EPS8: variants seen among roughly 807,000 people sequenced by gnomAD.
The protein encoded by EPS8 is EGFR pathway substrate 8, signaling adaptor.
EPS8 carries 42 observed loss-of-function variants against 103.8 expected under a neutral mutation model. The observed-to-expected ratio is 0.40, with a 90% CI of 0.32 to 0.52. The LOEUF is 0.52. Among genes scored for constraint, EPS8 ranks in the 20% least tolerant of loss-of-function variants. The pLI is 0.40. For synonymous variants in EPS8, 344 were observed against 344.6 expected, an observed-to-expected ratio of 1.00 and a Z score of 0.02; for missense variants, 969 against 1,005.1, an observed-to-expected ratio of 0.96 and a Z score of 0.49.
intron 11 of EPS8, 87 bp downstream of exon 11, chr12:15,658,410 T>C (rs1223090698): frequency 2.0e-6 from 2 of 1,016,704 alleles, no homozygotes; most frequent in African/African-American, 3.3e-5. Context: ...AACAATTTTA[T>C]TTCTTAATTT....
chr12:15,664,361 A>G (rs1945671775), intron 8 of EPS8, among the ~76,000 whole-genome samples: 1 of 152,160 alleles, frequency 6.6e-6, no homozygotes, highest in African/African-American at 2.4e-5. Context: ...AACCTCTGAA[A>G]AAACCTTTAA....
rs1555132062 is a variant in EPS8 at position 15,777,278 on chromosome 12, A to AC, written c.-22+11882_-22+11883insG. 5.0e-4 allele frequency among the ~76,000 whole-genome samples: 76 copies of AC among 151,686 alleles called. No individual in the cohort carries two copies. In the East Asian group the frequency reaches 7.0e-3, roughly 14 times the overall value. ...GTACTTACAAAGCAGAATGAAAAAA[A>AC]ACACACACACACACACAAAACAAAA... On this transcript the variant is annotated intron_variant, in intron 1 of 20. Coordinates refer to ENST00000281172, the MANE Select transcript of EPS8 (RefSeq NM_004447.6). The surrounding 1 kb of genome is among the most constrained non-coding windows in gnomAD (Gnocchi z 4.7).
rs188266017 is a variant in EPS8 at position 15,727,777 on chromosome 12, G to A, written c.-21-44805C>T. ...GGAGGCTGAGGCAGGAGAATCACTC[G>A]AACCTGGGAGGTGGAGGTTGCAGTG... On this transcript the variant is annotated intron_variant, in intron 1 of 20. Transcript: ENST00000281172. The surrounding 1 kb of genome is among the most constrained non-coding windows in gnomAD (Gnocchi z 4.3). 2.6e-5 allele frequency among the ~76,000 whole-genome samples: 4 copies of A among 151,982 alleles called. No individual in the cohort carries two copies. Among genetic ancestry groups the A allele is most frequent in the African/African-American group, 7.2e-5 (3 of 41,390 alleles).
rs1267430423 is a variant in EPS8 at position 15,684,741 on chromosome 12, G to C, written c.-21-1769C>G. On this transcript the variant is annotated intron_variant, in intron 1 of 20. Transcript: ENST00000281172. The surrounding 1 kb of genome is among the most constrained non-coding windows in gnomAD (Gnocchi z 4.9). Reference sequence around the variant, plus strand: ...CTTGACCTAGTTCTTAAAAAAATGGGTAAGAATGGCCCTCAAAACACTGGA... The same window carrying C: ...CTTGACCTAGTTCTTAAAAAAATGGCTAAGAATGGCCCTCAAAACACTGGA... Among the ~76,000 whole-genome samples the C allele has an allele frequency of 2.0e-5, 3 of 152,140 alleles. No individual in the cohort carries two copies. Among genetic ancestry groups the C allele is most frequent in the African/African-American group, 7.2e-5 (3 of 41,428 alleles).
intron 1 of EPS8, among the ~76,000 whole-genome samples, chr12:15,718,093 T>C (rs960608268): frequency 1.3e-5 from 2 of 152,216 alleles, no homozygotes; most frequent in African/African-American, 4.8e-5. Flanking sequence ...AGCTTGTGTT[T>C]GTGCACCAAG....
intron 8 of EPS8, among the ~76,000 whole-genome samples, chr12:15,663,057 G>A (rs1945635103): frequency 6.6e-6 from 1 of 151,394 alleles, no homozygotes; most frequent in Admixed American, 6.6e-5. Context: ...TTAATTAGCG[G>A]CTGTTAACTA....
intron 1 of EPS8, among the ~76,000 whole-genome samples, chr12:15,788,264 G>C (rs1482265204): frequency 6.6e-6 from 1 of 152,188 alleles, no homozygotes; most frequent in Non-Finnish European, 1.5e-5. Flanking sequence ...AAGAGAAGCA[G>C]TAACACATTT....
At chr12:15,739,579 G>A (rs1946799362) in intron 1 of EPS8, among the ~76,000 whole-genome samples, 1 of 152,134 alleles carries the variant, frequency 6.6e-6, no homozygotes, top group South Asian at 2.1e-4. Context: ...GACCTTGGAT[G>A]TTAGAACTCC....
chr12:15,658,938 C>T (rs181073598), intron 10 of EPS8, among the ~76,000 whole-genome samples: 3 of 151,914 alleles, frequency 2.0e-5, no homozygotes, highest in Non-Finnish European at 4.4e-5. Flanking sequence ...AAGTACCAAT[C>T]GTTATGAGAA....
intron 1 of EPS8, among the ~76,000 whole-genome samples, chr12:15,782,433 T>A (rs955284995): frequency 6.6e-6 from 1 of 152,120 alleles, no homozygotes; most frequent in Admixed American, 6.5e-5. Flanking sequence ...CCTGGGTGGT[T>A]GAGGCTGCAG....
chr12:15,741,862 C>T (rs1339093610), intron 1 of EPS8, among the ~76,000 whole-genome samples: 1 of 152,166 alleles, frequency 6.6e-6, no homozygotes, highest in Non-Finnish European at 1.5e-5. Context: ...TCCCTCGCCC[C>T]TTCCCCCAAC....
At position 15,734,352 on chromosome 12, in the gene EPS8, G is replaced by A. The variant is rs1053561605; in HGVS notation, c.-21-51380C>T. On this transcript the variant is annotated intron_variant, in intron 1 of 20. Coordinates refer to ENST00000281172, the MANE Select transcript of EPS8 (RefSeq NM_004447.6). This position sits in a 1 kb window ranked among gnomAD's most constrained non-coding sequence, Gnocchi z 4.1. ...TATAAGATGGCCCTGTTTTACTACTGTTCCAGGGGCATTAGGCTACAATAA... is the reference window on the plus strand; with the variant it reads ...TATAAGATGGCCCTGTTTTACTACTATTCCAGGGGCATTAGGCTACAATAA... Among the ~76,000 whole-genome samples, 2 of 152,006 alleles carry A rather than the reference G, an allele frequency of 1.3e-5. No homozygotes were observed. The highest frequency in any genetic ancestry group is 4.1e-4 in the South Asian group (2 of 4,822).
Position 15,713,385 on chromosome 12 carries a change from G to T in EPS8, c.-21-30413C>A, listed in dbSNP as rs1166971363. 6.6e-6 allele frequency: 1 copy of T among 152,142 alleles called. No individual in the cohort carries two copies. The highest frequency in any genetic ancestry group is 1.5e-5 in the Non-Finnish European group (1 of 68,024). The allele number at this position is 152,142 out of a possible 1,614,324, so 9.4% of individuals were successfully genotyped here. A position where few individuals can be genotyped will look rare whatever the true frequency, so the allele number is the denominator to read the frequency against. The stretch of plus-strand genomic sequence containing the variant: ...AATACATAGCTTTACTTGCAATAAA[G>T]ATAATTCCCTGATGCTAAACCAAAG... On this transcript the variant is annotated intron_variant, in intron 1 of 20. Coordinates refer to ENST00000281172, the MANE Select transcript of EPS8 (RefSeq NM_004447.6). This position sits in a 1 kb window ranked among gnomAD's most constrained non-coding sequence, Gnocchi z 4.8.
chr12:15,715,679 G>A (rs939860105), intron 1 of EPS8, among the ~76,000 whole-genome samples: 2 of 151,998 alleles, frequency 1.3e-5, no homozygotes, highest in Admixed American at 1.3e-4. Context: ...AATAGAGACA[G>A]GGTTTCACCA....
chr12:15,641,859 T>C (rs747721525), intron 15 of EPS8, 29 bp from the exon 16 acceptor site: 13 of 1,229,450 alleles, frequency 1.1e-5, no homozygotes, highest in South Asian at 1.4e-5. Flanking sequence ...AAGATTATTA[T>C]TCTGCTAGCT....
intron 8 of EPS8, 96 bp from the exon 9 acceptor site, chr12:15,662,195 T>C: frequency 1.3e-6 from 2 of 1,555,336 alleles, no homozygotes; most frequent in Non-Finnish European, 1.7e-6. Context: ...AGGAGGACCA[T>C]TTGCCAAAGG....
At position 15,695,553 on chromosome 12, in the gene EPS8, A is replaced by C. The variant is rs570708993; in HGVS notation, c.-21-12581T>G. On this transcript the variant is annotated intron_variant, in intron 1 of 20. Transcript: ENST00000281172. This position sits in a 1 kb window ranked among gnomAD's most constrained non-coding sequence, Gnocchi z 5.0. ...TAAATTAGTTTACATTTAAATGTTAATAACCACATATAGACTAACAGCTAC... is the reference window on the plus strand; with the variant it reads ...TAAATTAGTTTACATTTAAATGTTACTAACCACATATAGACTAACAGCTAC... Among the ~76,000 whole-genome samples the C allele has an allele frequency of 4.9e-4, 74 of 152,252 alleles. No individual in the cohort carries two copies. Among genetic ancestry groups the C allele is most frequent in the Non-Finnish European group, 9.7e-4 (66 of 68,046 alleles).
rs2136026918 is a variant in EPS8 at position 15,757,860 on chromosome 12, GT to G, written c.-22+31300del. ...CTTAGCAGCTTAGAAGAACAATAGC[GT>G]AAGGTACTAGCTCTCACAGTTTCTT... On this transcript the variant is annotated intron_variant, in intron 1 of 20. Transcript: ENST00000281172. This position sits in a 1 kb window ranked among gnomAD's most constrained non-coding sequence, Gnocchi z 4.1. 1.3e-5 allele frequency among the ~76,000 whole-genome samples: 2 copies of G among 152,276 alleles called. No individual in the cohort carries two copies. The highest frequency in any genetic ancestry group is 4.2e-4 in the South Asian group (2 of 4,818).
intron 1 of EPS8, among the ~76,000 whole-genome samples, chr12:15,703,941 G>A (rs533409709): frequency 1.9e-4 from 25 of 132,254 alleles, no homozygotes; most frequent in Non-Finnish European, 3.2e-4. Context: ...AAGAGAAACC[G>A]ATATATTAAT....
Sources: gnomAD v4.1 joint callset for allele counts (sites outside exome capture counted in the v4.1 genomes callset) on GRCh38, gnomAD v4.1.1 for gene constraint, Gnocchi (gnomAD v3.1) non-coding constraint, MANE v1.5 for transcripts, NCBI Gene and HGNC (gene_info 2026-07-23, HGNC 2026-07-21) for gene names.